Variants in GABRB3 observed in about 807,000 individuals in gnomAD.
GABRB3 encodes the protein gamma-aminobutyric acid type A receptor subunit beta3.
Under a neutral mutation model 52.1 loss-of-function variants are expected in GABRB3, and 14 were observed. That is an observed-to-expected ratio of 0.27 (90% confidence interval 0.18 to 0.42). The LOEUF is 0.42. Among genes scored for constraint, GABRB3 ranks in the 10% least tolerant of loss-of-function variants. The pLI is 1.00. For missense variants in GABRB3, 307 were observed against 609.1 expected (o/e 0.50, Z 5.22); for synonymous variants, 260 against 232.3 (o/e 1.12, Z -1.08).
At chr15:26,631,537 T>C (rs768302157) in intron 3 of GABRB3, among the ~76,000 whole-genome samples, 1 of 152,226 alleles carries the variant, frequency 6.6e-6, no homozygotes, top group Non-Finnish European at 1.5e-5. Context: ...TGCATCTGGT[T>C]CAGCAAGTTT....
chr15:26,720,826 G>A (rs1301252676), intron 3 of GABRB3, among the ~76,000 whole-genome samples: 1 of 152,194 alleles, frequency 6.6e-6, no homozygotes, highest in African/African-American at 2.4e-5. Context: ...CCTTACTTCT[G>A]CAACATGGAA....
chr15:26,730,061 C>T (rs1889867618), intron 3 of GABRB3, among the ~76,000 whole-genome samples: 1 of 152,196 alleles, frequency 6.6e-6, no homozygotes, highest in African/African-American at 2.4e-5. Flanking sequence ...TCTATACTTA[C>T]AGGAAGAACA....
intron 3 of GABRB3, among the ~76,000 whole-genome samples, chr15:26,681,401 C>T (rs1888235405): frequency 6.6e-6 from 1 of 152,108 alleles, no homozygotes; most frequent in African/African-American, 2.4e-5. Context: ...GGGATACTGT[C>T]AGAACCCAGG....
intron 4 of GABRB3, among the ~76,000 whole-genome samples, chr15:26,597,080 A>G (rs1385542885): frequency 6.6e-6 from 1 of 152,240 alleles, no homozygotes; most frequent in South Asian, 2.1e-4. Flanking sequence ...TTAATCTATA[A>G]ATGGATTAAT....
intron 3 of GABRB3, among the ~76,000 whole-genome samples, chr15:26,683,682 A>C (rs945399003): frequency 2.6e-5 from 4 of 151,706 alleles, no homozygotes; most frequent in African/African-American, 9.7e-5. Flanking sequence ...GACCTGAAAA[A>C]CGCTTTCATG....
intron 3 of GABRB3, among the ~76,000 whole-genome samples, chr15:26,727,488 T>TATG (rs1422245168): frequency 1.3e-5 from 2 of 152,192 alleles, no homozygotes; most frequent in Non-Finnish European, 2.9e-5. Flanking sequence ...GCTGTTTCAA[T>TATG]AGACTCCCAA....
In GABRB3 at chr15:26,548,026, T is replaced by A; in HGVS notation, c.1189A>T (p.Asn397Tyr). ...TGTTTCCTGTACTGGATTCCTGAGT[T>A]GTCAAAGGATATTGCTGAATTCCTG... The part of the protein sequence containing the change: ...DTRNSAISFD[N>Y]SGIQYRKQSM... Residue 397 changes from asparagine (N) to tyrosine (Y), a missense_variant, in exon 9 of 9, where the codon AAC becomes TAC. Physicochemically the swap from Asn to Tyr is moderately radical, Grantham distance 143. This residue lies in a region of GABRB3 where 115 missense variants were observed against 166.9 expected (regional missense o/e 0.69). Transcript: ENST00000311550. 2 of 1,614,186 alleles carry A rather than the reference T, an allele frequency of 1.2e-6. No homozygotes were observed. Among genetic ancestry groups the A allele is most frequent in the Non-Finnish European group, 1.7e-6 (2 of 1,180,030 alleles).
At chr15:26,709,053 T>A (rs1212329724) in intron 3 of GABRB3, among the ~76,000 whole-genome samples, 3 of 152,232 alleles carry the variant, frequency 2.0e-5, no homozygotes, top group Non-Finnish European at 2.9e-5. Flanking sequence ...TTTACTTCCA[T>A]AAAGCAACTT....
chr15:26,704,277 C>T (rs1889027055), intron 3 of GABRB3, among the ~76,000 whole-genome samples: 1 of 152,188 alleles, frequency 6.6e-6, no homozygotes, highest in Non-Finnish European at 1.5e-5. Context: ...TTAAAGTAGC[C>T]TTGGGAAGTA....
intron 6 of GABRB3, among the ~76,000 whole-genome samples, chr15:26,578,477 T>C (rs774453990): frequency 6.6e-6 from 1 of 152,232 alleles, no homozygotes; most frequent in Non-Finnish European, 1.5e-5. Flanking sequence ...ATTTTTAGGA[T>C]GTGTTCTACC....
intron 3 of GABRB3, among the ~76,000 whole-genome samples, chr15:26,713,020 T>A (rs893835297): frequency 1.3e-5 from 2 of 152,134 alleles, no homozygotes; most frequent in Non-Finnish European, 1.5e-5. Flanking sequence ...CATGCCACCA[T>A]GGGGGAGTTC....
chr15:26,574,384 C>G (rs1221693786), intron 6 of GABRB3, among the ~76,000 whole-genome samples: 1 of 151,960 alleles, frequency 6.6e-6, no homozygotes, highest in East Asian at 1.9e-4. Flanking sequence ...CCTATATGAC[C>G]CAGGAATTCC....
intron 3 of GABRB3, among the ~76,000 whole-genome samples, chr15:26,762,349 C>T (rs1048913828): frequency 6.6e-6 from 1 of 152,130 alleles, no homozygotes; most frequent in South Asian, 2.1e-4. Context: ...TTGCCTTCAA[C>T]GATGTGGGCA....
chr15:26,709,809 A>G (rs1403051942), intron 3 of GABRB3, among the ~76,000 whole-genome samples: 2 of 151,862 alleles, frequency 1.3e-5, no homozygotes, highest in South Asian at 2.1e-4. Context: ...GAGCCACCAC[A>G]CCCAGTCATA....
intron 3 of GABRB3, among the ~76,000 whole-genome samples, chr15:26,718,604 G>GA (rs1555379109): frequency 2.0e-5 from 3 of 151,194 alleles, no homozygotes; most frequent in Non-Finnish European, 3.0e-5. Flanking sequence ...TGCTCAATGT[G>GA]TTTTTTTTTC....
At chr15:26,562,596 A>G (rs918103776) in intron 7 of GABRB3, among the ~76,000 whole-genome samples, 2 of 152,194 alleles carry the variant, frequency 1.3e-5, no homozygotes, top group African/African-American at 4.8e-5. Flanking sequence ...CCTCCAGGGC[A>G]GAGTTTGAAT....
chr15:26,585,433 G>A (rs1051733068), intron 4 of GABRB3, among the ~76,000 whole-genome samples: 2 of 152,158 alleles, frequency 1.3e-5, no homozygotes, highest in African/African-American at 4.8e-5. Flanking sequence ...CCAAACACCT[G>A]TAAAACACTA....
chr15:26,615,236 T>TA, intron 4 of GABRB3: 2 of 953,096 alleles, frequency 2.1e-6, no homozygotes, highest in Non-Finnish European at 2.5e-6. Context: ...AAAGGACCAT[T>TA]AGTCTCTTAG....
At chr15:26,745,745 A>C (rs1890320611) in intron 3 of GABRB3, among the ~76,000 whole-genome samples, 2 of 152,240 alleles carry the variant, frequency 1.3e-5, no homozygotes, top group African/African-American at 4.8e-5. Flanking sequence ...TACGCTTAAT[A>C]AGCATAATTC....
Sources: gnomAD v4.1 joint callset for allele counts (sites outside exome capture counted in the v4.1 genomes callset) on GRCh38, gnomAD v4.1.1 for gene constraint, gnomAD v4.1.1 regional missense constraint, MANE v1.5 for transcripts, NCBI Gene and HGNC (gene_info 2026-07-23, HGNC 2026-07-21) for gene names.